RIC1: variants seen among roughly 807,000 people sequenced by gnomAD.
RIC1 encodes RIC1 partner of RAB6A GEF complex, also known as guanine nucleotide exchange factor subunit RIC1.
Under a neutral mutation model 169.0 loss-of-function variants are expected in RIC1, and 88 were observed. The observed-to-expected ratio is 0.52, with a 90% confidence interval of 0.44 to 0.62. The LOEUF (loss-of-function observed/expected upper bound fraction) is 0.62. Ranked by LOEUF, RIC1 falls within the 20% of genes least tolerant of loss-of-function variation. RIC1 has a pLI of 0.00. For missense variants in RIC1, 1,877 were observed against 1,725.5 expected (o/e 1.09, Z -1.56); for synonymous variants, 790 against 601.5 (o/e 1.31, Z -4.59).
intron 8 of RIC1, among the ~76,000 whole-genome samples, chr9:5,739,523 A>T (rs369729084): frequency 2.8e-4 from 43 of 152,246 alleles, no homozygotes; most frequent in African/African-American, 1.0e-3. Context: ...TCATACTCTC[A>T]ACCTCACCTC....
chr9:5,747,617 C>A (rs879423217), intron 12 of RIC1, 112 bp downstream of exon 12: 10 of 946,570 alleles, frequency 1.1e-5, no homozygotes, highest in African/African-American at 1.6e-5. Flanking sequence ...ATCCTTTTAA[C>A]CATTTTGTCA....
In RIC1 at chr9:5,689,991, T is replaced by C; in HGVS notation, c.285T>C (p.Ile95=). The stretch of plus-strand genomic sequence containing the variant: ...ATGGATACATCTTGTTTTTTCATAT[T>C]ACATCTACAAGAGGGGACAAGTACC... The part of the protein sequence containing the change: ...TANGYILFFH[I]TSTRGDKYLY... The change falls in exon 3 of 26, where the codon ATT becomes ATC. Residue 95 remains isoleucine (I), a synonymous_variant. Coordinates refer to ENST00000414202, the MANE Select transcript of RIC1 (RefSeq NM_020829.4). 1 of 1,601,298 alleles carries C rather than the reference T, an allele frequency of 6.2e-7. No homozygotes were observed. The highest frequency in any genetic ancestry group is 8.5e-7 in the Non-Finnish European group (1 of 1,175,832).
At chr9:5,701,807 T>A (rs941292941) in intron 3 of RIC1, among the ~76,000 whole-genome samples, 1 of 152,258 alleles carries the variant, frequency 6.6e-6, no homozygotes, top group East Asian at 1.9e-4. Context: ...CCATCATAAT[T>A]AAAATATTGA....
In RIC1 at chr9:5,669,165, C is replaced by G. The variant is rs575134704; in HGVS notation, c.252+12475C>G. Among the ~76,000 whole-genome samples, 5 of 152,222 alleles carry G rather than the reference C, an allele frequency of 3.3e-5. No homozygotes were observed. In the South Asian group the frequency reaches 1.0e-3, roughly 32 times the overall value. On this transcript the variant is annotated intron_variant, in intron 2 of 25. Coordinates refer to ENST00000414202, the MANE Select transcript of RIC1 (RefSeq NM_020829.4). Reference sequence around the variant, plus strand: ...AGTTTCTCTTTTGTTTTCTCTGTTGCCAGCCAGTCATGTAAGATTTCCTTA... The same window carrying G: ...AGTTTCTCTTTTGTTTTCTCTGTTGGCAGCCAGTCATGTAAGATTTCCTTA...
intron 11 of RIC1, among the ~76,000 whole-genome samples, 198 bp from the exon 12 acceptor site, chr9:5,747,104 G>A (rs1825422113): frequency 1.3e-5 from 2 of 152,178 alleles, no homozygotes; most frequent in Non-Finnish European, 2.9e-5. Context: ...TAGTCACTAA[G>A]AGCACTATTC....
chr9:5,738,620 A>C (rs903962352), intron 8 of RIC1, 82 bp downstream of exon 8: 12 of 802,018 alleles, frequency 1.5e-5, no homozygotes, highest in Non-Finnish European at 2.3e-5. Flanking sequence ...ATTTTAAGTT[A>C]AACAATACAT....
intron 6 of RIC1, among the ~76,000 whole-genome samples, chr9:5,731,178 C>G (rs10975266): frequency 0.45 from 67,716 of 151,894 alleles, 16,070 homozygotes; most frequent in East Asian, 0.85. Context: ...GTAAAGCAAG[C>G]ATACAAGTAG....
chr9:5,770,924 A>T (rs1383320184), intron 23 of RIC1, among the ~76,000 whole-genome samples: 1 of 152,176 alleles, frequency 6.6e-6, no homozygotes, highest in East Asian at 1.9e-4. Flanking sequence ...ATAGTATAGG[A>T]GCTTAAACAA....
At chr9:5,734,818 C>G (rs1017031898) in intron 7 of RIC1, among the ~76,000 whole-genome samples, 1 of 152,154 alleles carries the variant, frequency 6.6e-6, no homozygotes, top group South Asian at 2.1e-4. Flanking sequence ...AAATAACGTT[C>G]CATTGTCTGA....
chr9:5,771,125 A>G lies in RIC1; in HGVS notation c.3616+847A>G, dbSNP rs73389523. Among the ~76,000 whole-genome samples the G allele has an allele frequency of 3.1e-3, 474 of 152,286 alleles. 2 individuals carry two copies. The highest frequency in any genetic ancestry group is 0.011 in the African/African-American group (450 of 41,554). On this transcript the variant is annotated intron_variant, in intron 23 of 25. Transcript: ENST00000414202. ...GTTTTTAAGCAGAGTTTGTAGTGTTAATTATGCCCACATTGTTCTGCAATC... is the reference window on the plus strand; with the variant it reads ...GTTTTTAAGCAGAGTTTGTAGTGTTGATTATGCCCACATTGTTCTGCAATC...
At position 5,756,249 on chromosome 9, in the gene RIC1, C is replaced by G. The variant is rs1482539329; in HGVS notation, c.1730C>G (p.Ala577Gly). The stretch of plus-strand genomic sequence containing the variant: ...TTGCGAACATCAAATCTGGACAATG[C>G]CTTTGCTCATGTCACCAAAGCACAA... ...VYLRTSNLDNAFAHVTKAQAE... is the reference protein window; with the variant it reads ...VYLRTSNLDNGFAHVTKAQAE... Residue 577 changes from alanine to glycine, a missense_variant, in exon 16 of 26, where the codon GCC becomes GGC. Physicochemically the swap from Ala to Gly is moderately conservative, Grantham distance 60. Coordinates refer to ENST00000414202, the MANE Select transcript of RIC1 (RefSeq NM_020829.4). 1 of 1,599,572 alleles carries G rather than the reference C, an allele frequency of 6.3e-7. No individual in the cohort carries two copies. The highest frequency in any genetic ancestry group is 1.1e-5 in the South Asian group (1 of 88,426).
At chr9:5,702,614 C>A (rs1402406740) in intron 3 of RIC1, among the ~76,000 whole-genome samples, 2 of 152,196 alleles carry the variant, frequency 1.3e-5, no homozygotes, top group South Asian at 4.1e-4. Context: ...TCTCGGCTCA[C>A]TGCAACCTCC....
rs185662823 is a variant in RIC1 at position 5,666,391 on chromosome 9, T to A, written c.252+9701T>A. ...TGGATGCCTTTATCTCGTTTTCTTG[T>A]TTAATTGCTCTTGGTGGAACTTTCA... On this transcript the variant is annotated intron_variant, in intron 2 of 25. Coordinates refer to ENST00000414202, the MANE Select transcript of RIC1 (RefSeq NM_020829.4). 1.3e-3 allele frequency among the ~76,000 whole-genome samples: 195 copies of A among 152,340 alleles called. 2 individuals are homozygous for A. The highest frequency in any genetic ancestry group is 0.01 in the Admixed American group (155 of 15,304).
chr9:5,668,309 G>A lies in RIC1; in HGVS notation c.252+11619G>A, dbSNP rs377729046. On this transcript the variant is annotated intron_variant, in intron 2 of 25. Coordinates refer to ENST00000414202, the MANE Select transcript of RIC1 (RefSeq NM_020829.4). ...GACACAGCCAAACCATATCACTGAG[G>A]AACCCTTATATTTGATAAGCTGCTT... Among the ~76,000 whole-genome samples the A allele has an allele frequency of 7.2e-5, 11 of 152,286 alleles. No individual in the cohort carries two copies. The South Asian group carries it at 2.3e-3, about 32-fold the overall frequency.
Position 5,775,825 on chromosome 9 carries a change from G to C in RIC1, c.*1579G>C, listed in dbSNP as rs1827552292. 6.6e-6 allele frequency: 1 copy of C among 152,118 alleles called. No homozygotes were observed. Among genetic ancestry groups the C allele is most frequent in the Non-Finnish European group, 1.5e-5 (1 of 67,996 alleles). The allele number at this position is 152,118 out of a possible 1,614,324, so 9.4% of individuals were successfully genotyped here. A position where few individuals can be genotyped will look rare whatever the true frequency, so the allele number is the denominator to read the frequency against. On this transcript the variant is annotated 3_prime_UTR_variant, in exon 26 of 26. Transcript: ENST00000414202. ...TTCACAAAATGAAACTCCCGAATGG[G>C]TGGAGTATGTGATTATTGGTACCTG...
At chr9:5,758,722 C>CTTTTTTTTTTTTTTTTTTTTTCTTTT (rs754931692) in intron 17 of RIC1, among the ~76,000 whole-genome samples, 1 of 98,426 alleles carries the variant, frequency 1.0e-5, no homozygotes, top group South Asian at 3.4e-4. Flanking sequence ...GGTCTCCCTT[C>CTTTTTTTTTTTTTTTTTTTTTCTTTT]TTTTTTTTTT....
chr9:5,778,111 T>G (rs1435864176), downstream of RIC1, among the ~76,000 whole-genome samples: 1 of 152,170 alleles, frequency 6.6e-6, no homozygotes, highest in Admixed American at 6.5e-5. Context: ...ATTTATTGGG[T>G]TTTTAATGTC....
chr9:5,651,404 T>C (rs560941451), intron 1 of RIC1, among the ~76,000 whole-genome samples: 9 of 152,070 alleles, frequency 5.9e-5, no homozygotes, highest in Non-Finnish European at 1.2e-4. Flanking sequence ...TAGTCAGCTA[T>C]CTTGAAGCCC....
At chr9:5,654,099 G>A (rs925569657) in intron 1 of RIC1, among the ~76,000 whole-genome samples, 2 of 151,506 alleles carry the variant, frequency 1.3e-5, no homozygotes, top group Admixed American at 6.6e-5. Flanking sequence ...TCCCAGGCTC[G>A]AGCAATCTCC....
Sources: gnomAD v4.1 joint callset for allele counts (sites outside exome capture counted in the v4.1 genomes callset) on GRCh38, gnomAD v4.1.1 for gene constraint, MANE v1.5 for transcripts, NCBI Gene and HGNC (gene_info 2026-07-23, HGNC 2026-07-21) for gene names.